FAM210A: variants seen among roughly 807,000 people sequenced by gnomAD.
FAM210A encodes the protein mitochondrial inner membrane scaffold 1.
Under a neutral mutation model 25.3 loss-of-function variants are expected in FAM210A, and 13 were observed. The ratio of observed to expected loss-of-function variants is 0.51; its 90% CI spans 0.33 to 0.82. FAM210A has a LOEUF of 0.82. Ranked by LOEUF, FAM210A falls within the 40% of genes least tolerant of loss-of-function variation. The pLI is 0.02. For synonymous variants in FAM210A, 125 were observed against 118.7 expected (o/e 1.05, Z -0.35); for missense variants, 319 against 323.2 (o/e 0.99, Z 0.10).
At chr18:13,691,786 C>T (rs12961870) in intron 1 of FAM210A, among the ~76,000 whole-genome samples, 97,848 of 107,294 alleles carry the variant, frequency 0.91, 44,888 homozygotes, top group East Asian at 0.97. Context: ...CAGTACCAGC[C>T]ACTGCAAAAA....
intron 2 of FAM210A, 28 bp downstream of exon 2, chr18:13,681,577 A>C (rs1439104555): frequency 2.6e-6 from 4 of 1,512,018 alleles, no homozygotes; most frequent in African/African-American, 1.4e-5. Context: ...TAAGACAGGG[A>C]AAGACATTCA....
At chr18:13,678,478 T>A (rs1389114596) in intron 2 of FAM210A, among the ~76,000 whole-genome samples, 2 of 152,042 alleles carry the variant, frequency 1.3e-5, no homozygotes, top group South Asian at 4.1e-4. Flanking sequence ...TTAGTAGAGA[T>A]GGGGTTTCTC....
At chr18:13,726,252 T>C (rs2043947371) in intron 1 of FAM210A, 77 bp downstream of exon 1, 1 of 152,354 alleles carries the variant, frequency 6.6e-6, no homozygotes, top group African/African-American at 2.4e-5. Flanking sequence ...GCGAGTCAGC[T>C]CCCGGACACA....
chr18:13,680,316 A>G (rs1388151818), intron 2 of FAM210A, among the ~76,000 whole-genome samples: 1 of 152,248 alleles, frequency 6.6e-6, no homozygotes, highest in Non-Finnish European at 1.5e-5. Flanking sequence ...TCATTAATAA[A>G]CCAAGAAACA....
chr18:13,707,219 C>A (rs1005761857), intron 1 of FAM210A, among the ~76,000 whole-genome samples: 1 of 152,192 alleles, frequency 6.6e-6, no homozygotes, highest in South Asian at 2.1e-4. Flanking sequence ...TTTGGTCACA[C>A]TCTCACCTAA....
intron 1 of FAM210A, among the ~76,000 whole-genome samples, chr18:13,714,683 G>C (rs1265461553): frequency 6.6e-6 from 1 of 152,148 alleles, no homozygotes; most frequent in East Asian, 1.9e-4. Flanking sequence ...GAGAACTACA[G>C]GAACTTAATT....
At chr18:13,696,904 C>T (rs2149063515) in intron 1 of FAM210A, among the ~76,000 whole-genome samples, 1 of 152,158 alleles carries the variant, frequency 6.6e-6, no homozygotes, top group East Asian at 1.9e-4. Context: ...ACTGACTCAC[C>T]CAGAGCAACT....
chr18:13,695,067 A>C (rs2043680741), intron 1 of FAM210A, among the ~76,000 whole-genome samples: 1 of 152,262 alleles, frequency 6.6e-6, no homozygotes, highest in Non-Finnish European at 1.5e-5. Context: ...ATGAAAAGAC[A>C]CTTCTAAAAA....
intron 1 of FAM210A, among the ~76,000 whole-genome samples, chr18:13,709,798 T>C (rs1346579075): frequency 1.3e-5 from 2 of 152,182 alleles, no homozygotes; most frequent in African/African-American, 2.4e-5. Context: ...AACTATTCCC[T>C]CCTCCCTTTG....
intron 1 of FAM210A, among the ~76,000 whole-genome samples, chr18:13,713,719 CT>C (rs1413424349): frequency 6.7e-6 from 1 of 148,400 alleles, no homozygotes; most frequent in Non-Finnish European, 1.5e-5. Context: ...AAGTATGTCA[CT>C]ATAAAACACA....
chr18:13,697,258 C>T (rs2043702284), intron 1 of FAM210A, among the ~76,000 whole-genome samples: 2 of 151,520 alleles, frequency 1.3e-5, no homozygotes, highest in African/African-American at 4.8e-5. Context: ...AACCCATTTA[C>T]AAAATGGGAA....
intron 1 of FAM210A, among the ~76,000 whole-genome samples, chr18:13,696,939 T>C (rs1462140166): frequency 1.3e-5 from 2 of 152,232 alleles, no homozygotes; most frequent in Admixed American, 6.5e-5. Flanking sequence ...CTCCAATTCA[T>C]GGTAAGTACT....
chr18:13,685,294 A>ATTTTTT (rs71174190), intron 1 of FAM210A, among the ~76,000 whole-genome samples: 1 of 143,768 alleles, frequency 7.0e-6, no homozygotes. Context: ...CTGCAAAGCC[A>ATTTTTT]TTTTTTTTTT....
At chr18:13,721,258 T>A (rs2043895682) in intron 1 of FAM210A, among the ~76,000 whole-genome samples, 1 of 152,178 alleles carries the variant, frequency 6.6e-6, no homozygotes, top group African/African-American at 2.4e-5. Context: ...TGGTGATCTT[T>A]ACTAACAGAT....
chr18:13,721,610 T>C (rs971262899), intron 1 of FAM210A, among the ~76,000 whole-genome samples: 2 of 152,046 alleles, frequency 1.3e-5, no homozygotes, highest in African/African-American at 4.8e-5. Context: ...TCGCCCTCAC[T>C]CCACAAGTCG....
intron 2 of FAM210A, among the ~76,000 whole-genome samples, chr18:13,672,820 C>T (rs1040345803): frequency 1.3e-5 from 2 of 152,188 alleles, no homozygotes; most frequent in Non-Finnish European, 2.9e-5. Context: ...TTGATGAAAA[C>T]TTCAATTACT....
At chr18:13,696,633 AC>A (rs1348841221) in intron 1 of FAM210A, among the ~76,000 whole-genome samples, 2 of 152,188 alleles carry the variant, frequency 1.3e-5, no homozygotes, top group East Asian at 3.8e-4. Context: ...GAGGTAGAAG[AC>A]AGTGATACTG....
intron 1 of FAM210A, among the ~76,000 whole-genome samples, chr18:13,691,447 A>G (rs544840079): frequency 6.6e-6 from 1 of 152,332 alleles, no homozygotes; most frequent in Non-Finnish European, 1.5e-5. Context: ...TCTGAGACAC[A>G]TAATTGTCAG....
intron 1 of FAM210A, among the ~76,000 whole-genome samples, chr18:13,722,218 C>G (rs1349458045): frequency 6.6e-6 from 1 of 151,776 alleles, no homozygotes; most frequent in African/African-American, 2.4e-5. Context: ...TCAGGCTGTT[C>G]AGATTGTTGC....
Sources: gnomAD v4.1 joint callset for allele counts (sites outside exome capture counted in the v4.1 genomes callset) on GRCh38, gnomAD v4.1.1 for gene constraint, MANE v1.5 for transcripts, NCBI Gene and HGNC (gene_info 2026-07-23, HGNC 2026-07-21) for gene names.